Variants in ESRRB observed in about 807,000 individuals in gnomAD.
The protein encoded by ESRRB is steroid hormone receptor ERR2.
Under a neutral mutation model 46.0 loss-of-function variants are expected in ESRRB, and 16 were observed. That is an observed-to-expected ratio of 0.35 (90% CI 0.24 to 0.53). ESRRB has a LOEUF of 0.53. Among genes scored for constraint, ESRRB ranks in the 20% least tolerant of loss-of-function variants. ESRRB has a pLI of 0.93. For missense variants in ESRRB, 488 were observed against 607.4 expected, an observed-to-expected ratio of 0.80 and a Z score of 2.07; for synonymous variants, 246 against 259.6, an observed-to-expected ratio of 0.95 and a Z score of 0.50.
chr14:76,342,702 C>A lies in ESRRB; in HGVS notation c.2+31786C>A, dbSNP rs537179311. 1.4e-4 allele frequency among the ~76,000 whole-genome samples: 21 copies of A among 152,316 alleles called. No homozygotes were observed. The South Asian group carries it at 4.4e-3, about 32-fold the overall frequency. ...TAAAGTGGGAATAGTAAGGTCCATG[C>A]CACAGGGTTGTTGGATGTTGACCAC... On this transcript the variant is annotated intron_variant, in intron 1 of 6. Coordinates refer to the ESRRB transcript ENST00000512784.
chr14:76,489,361 TTCTA>T (rs1298478470), intron 5 of ESRRB, among the ~76,000 whole-genome samples: 1 of 150,762 alleles, frequency 6.6e-6, no homozygotes, highest in African/African-American at 2.4e-5. Context: ...GGATGTCCAT[TTCTA>T]TCTATCTTTT....
intron 1 of ESRRB, among the ~76,000 whole-genome samples, chr14:76,427,123 C>CT (rs1244517684): frequency 6.6e-6 from 1 of 152,200 alleles, no homozygotes; most frequent in Non-Finnish European, 1.5e-5. Flanking sequence ...ATTCTTCTCT[C>CT]TCACTGCACA....
At chr14:76,444,493 G>A (rs1442177086) in intron 2 of ESRRB, among the ~76,000 whole-genome samples, 1 of 152,006 alleles carries the variant, frequency 6.6e-6, no homozygotes, top group African/African-American at 2.4e-5. Flanking sequence ...CAGAGGGGGA[G>A]CAGGAGAGAA....
At chr14:76,415,775 G>A (rs1020958251) in intron 1 of ESRRB, among the ~76,000 whole-genome samples, 5 of 152,166 alleles carry the variant, frequency 3.3e-5, no homozygotes, top group South Asian at 2.1e-4. Context: ...CCAAAGTGCC[G>A]GGATTACAGG....
At chr14:76,468,126 C>A (rs1889200777) in intron 3 of ESRRB, among the ~76,000 whole-genome samples, 1 of 152,180 alleles carries the variant, frequency 6.6e-6, no homozygotes. Context: ...CAGGTTCCCA[C>A]TGCATGGGAT....
intron 1 of ESRRB, among the ~76,000 whole-genome samples, chr14:76,435,356 C>T (rs1048109553): frequency 3.9e-5 from 6 of 152,234 alleles, no homozygotes; most frequent in Non-Finnish European, 8.8e-5. Context: ...CCCTTTCTGG[C>T]ACTCTGTGCA....
chr14:76,414,198 G>A (rs1213002452), intron 1 of ESRRB, among the ~76,000 whole-genome samples: 3 of 19,250 alleles, frequency 1.6e-4, no homozygotes, highest in African/African-American at 7.6e-4. Flanking sequence ...CGCCCCTGCA[G>A]CGTCCCCCCG....
chr14:76,493,912 AG>A (rs1481821713), intron 6 of ESRRB, among the ~76,000 whole-genome samples: 21 of 152,378 alleles, frequency 1.4e-4, no homozygotes, highest in African/African-American at 4.8e-4. Flanking sequence ...TGGCACCACC[AG>A]GCAATGGTGG....
At chr14:76,456,357 G>C (rs1421032381) in intron 2 of ESRRB, among the ~76,000 whole-genome samples, 1 of 152,172 alleles carries the variant, frequency 6.6e-6, no homozygotes, top group South Asian at 2.1e-4. Context: ...ATGGGCCAGA[G>C]AACCCATAAA....
chr14:76,393,904 G>A (rs1885565292), intron 1 of ESRRB, among the ~76,000 whole-genome samples: 1 of 151,680 alleles, frequency 6.6e-6, no homozygotes, highest in African/African-American at 2.4e-5. Context: ...AGGTTCAAGC[G>A]AATCTCCTGC....
intron 1 of ESRRB, among the ~76,000 whole-genome samples, chr14:76,419,969 C>T (rs979817647): frequency 1.3e-5 from 2 of 152,090 alleles, no homozygotes; most frequent in Admixed American, 6.6e-5. Context: ...GACTGGGGTT[C>T]GGCTAGGGGT....
At chr14:76,496,425 G>A (rs1448948914) in intron 6 of ESRRB, among the ~76,000 whole-genome samples, 2 of 152,212 alleles carry the variant, frequency 1.3e-5, no homozygotes, top group Non-Finnish European at 2.9e-5. Context: ...GTAAACTTCT[G>A]TAGTGGGGCC....
chr14:76,417,649 C>T (rs1268493997), intron 1 of ESRRB, among the ~76,000 whole-genome samples: 1 of 152,120 alleles, frequency 6.6e-6, no homozygotes, highest in Non-Finnish European at 1.5e-5. Context: ...TCTGTAGCAG[C>T]GAAATAACTG....
chr14:76,477,151 C>A (rs1471308875), intron 3 of ESRRB, among the ~76,000 whole-genome samples: 1 of 152,190 alleles, frequency 6.6e-6, no homozygotes, highest in African/African-American at 2.4e-5. Flanking sequence ...CTTCCCCAAC[C>A]CCAGGCTAGG....
At position 76,359,149 on chromosome 14, in the gene ESRRB, T is replaced by C. The variant is rs1054862884; in HGVS notation, c.2+48233T>C. 7.9e-5 allele frequency among the ~76,000 whole-genome samples: 12 copies of C among 152,186 alleles called. No individual in the cohort carries two copies. The East Asian group carries it at 1.3e-3, about 17-fold the overall frequency. ...CGAAGCTGGTGTTAAGTTTCGATAA[T>C]AATAATTCTAACATCCAGAGGACAT... On this transcript the variant is annotated intron_variant, in intron 1 of 6. Coordinates refer to the ESRRB transcript ENST00000512784.
chr14:76,445,482 AAAAGAAAG>A (rs1165122151), intron 2 of ESRRB, among the ~76,000 whole-genome samples: 10 of 120,068 alleles, frequency 8.3e-5, no homozygotes, highest in African/African-American at 3.0e-4. Flanking sequence ...AAAAAAAAAA[AAAAGAAAG>A]AAAGAAAGAA....
At chr14:76,355,819 C>T (rs147487248) in intron 1 of ESRRB, among the ~76,000 whole-genome samples, 267 of 152,290 alleles carry the variant, frequency 1.8e-3, no homozygotes, top group Non-Finnish European at 2.4e-3. Flanking sequence ...CTCATCAACA[C>T]TTTCCTGCTG....
At chr14:76,477,291 C>T (rs1256024938) in intron 3 of ESRRB, among the ~76,000 whole-genome samples, 6 of 152,072 alleles carry the variant, frequency 3.9e-5, no homozygotes, top group South Asian at 2.1e-4. Flanking sequence ...CCCATCGAAT[C>T]GAAGAGCTGA....
Position 76,498,895 on chromosome 14 carries a change from TC to T in ESRRB, c.*439del. 2 of 534,446 alleles carry T rather than the reference TC, an allele frequency of 3.7e-6. No individual in the cohort carries two copies. Among genetic ancestry groups the T allele is most frequent in the South Asian group, 2.8e-5 (2 of 71,206 alleles). The allele number at this position is 534,446 out of a possible 1,614,324, so 33.1% of individuals were successfully genotyped here. A position where few individuals can be genotyped will look rare whatever the true frequency, so the allele number is the denominator to read the frequency against. On this transcript the variant is annotated 3_prime_UTR_variant, in exon 7 of 7. Coordinates refer to ENST00000644823, the MANE Select transcript of ESRRB (RefSeq NM_001379180.1). ...CAGGCTGGATACCACCTGGAGGTTTTCCTTCCGCAGAGGGCAGGTACGCAAG... is the reference window on the plus strand; with the variant it reads ...CAGGCTGGATACCACCTGGAGGTTTTCTTCCGCAGAGGGCAGGTACGCAAG...
Sources: gnomAD v4.1 joint callset for allele counts (sites outside exome capture counted in the v4.1 genomes callset) on GRCh38, gnomAD v4.1.1 for gene constraint, MANE v1.5 for transcripts, NCBI Gene and HGNC (gene_info 2026-07-23, HGNC 2026-07-21) for gene names.